Variants in GYS2 observed in about 807,000 individuals in gnomAD.
GYS2 encodes the protein glycogen synthase 2.
GYS2 carries 80 observed loss-of-function variants against 85.6 expected under a neutral mutation model. That is an observed-to-expected ratio of 0.93 (90% CI 0.78 to 1.13). The LOEUF (loss-of-function observed/expected upper bound fraction) is 1.13, where lower values mean the gene tolerates loss of function less well. GYS2 is among the 50% of genes most tolerant of loss of function. GYS2 has a pLI of 0.00. For synonymous variants in GYS2, 328 were observed against 300.7 expected (o/e 1.09, Z -0.94); for missense variants, 881 against 854.9 (o/e 1.03, Z -0.38).
chr12:21,561,030 A>G (rs1591791209), intron 7 of GYS2, among the ~76,000 whole-genome samples: 1 of 152,152 alleles, frequency 6.6e-6, no homozygotes, highest in African/African-American at 2.4e-5. Context: ...CTTGATTCTC[A>G]TGATGTTGTA....
chr12:21,568,040 C>A (rs1944342736), intron 5 of GYS2, among the ~76,000 whole-genome samples: 1 of 151,850 alleles, frequency 6.6e-6, no homozygotes. Flanking sequence ...CCACTGCACT[C>A]CAGCCTGGGC....
At chr12:21,543,913 C>T (rs1233305211) in intron 12 of GYS2, among the ~76,000 whole-genome samples, 2 of 152,102 alleles carry the variant, frequency 1.3e-5, no homozygotes, top group South Asian at 2.1e-4. Context: ...CATATGTATA[C>T]AAAATTTTGT....
intron 1 of GYS2, among the ~76,000 whole-genome samples, chr12:21,592,302 C>T (rs1591810657): frequency 6.6e-6 from 1 of 151,174 alleles, no homozygotes; most frequent in East Asian, 1.9e-4. Context: ...TCAATAATAG[C>T]CTTGCATGTA....
At chr12:21,569,489 C>T (rs1172093130) in intron 4 of GYS2, among the ~76,000 whole-genome samples, 2 of 152,118 alleles carry the variant, frequency 1.3e-5, no homozygotes, top group Non-Finnish European at 2.9e-5. Flanking sequence ...AAACGCTTTT[C>T]CTTGGTTATA....
At position 21,580,680 on chromosome 12, in the gene GYS2, G is replaced by C. The variant is rs531508591; in HGVS notation, c.122-157C>G. On this transcript the variant is annotated intron_variant, in intron 1 of 15. Coordinates refer to ENST00000261195, the MANE Select transcript of GYS2 (RefSeq NM_021957.4). ...CAAAAATAATAGTATTTGACATATT[G>C]TTAAGGGACACCAACGAATGGTTAC... Among the ~76,000 whole-genome samples the C allele has an allele frequency of 6.6e-5, 10 of 152,306 alleles. No individual in the cohort carries two copies. The South Asian group carries it at 1.2e-3, about 19-fold the overall frequency.
At chr12:21,551,013 A>AACAT (rs1555154968) in intron 11 of GYS2, among the ~76,000 whole-genome samples, 26 of 151,448 alleles carry the variant, frequency 1.7e-4, no homozygotes, top group Non-Finnish European at 3.4e-4. Context: ...TTTTTTTTTA[A>AACAT]TTTTTTTTTA....
At chr12:21,551,023 ATTATAC>A (rs1944103834) in intron 11 of GYS2, among the ~76,000 whole-genome samples, 2 of 127,126 alleles carry the variant, frequency 1.6e-5, no homozygotes, top group Non-Finnish European at 3.5e-5. Flanking sequence ...ATTTTTTTTT[ATTATAC>A]TTTAAGTTTT....
At chr12:21,573,492 G>T (rs1944409008) in intron 4 of GYS2, among the ~76,000 whole-genome samples, 2 of 152,038 alleles carry the variant, frequency 1.3e-5, no homozygotes, top group African/African-American at 4.8e-5. Flanking sequence ...AAAAATAGAA[G>T]AAATAAATCA....
intron 14 of GYS2, among the ~76,000 whole-genome samples, chr12:21,540,148 A>C (rs1383910008): frequency 1.3e-5 from 2 of 152,226 alleles, no homozygotes; most frequent in Admixed American, 6.5e-5. Flanking sequence ...TAACACATCA[A>C]GTGAGGCACT....
chr12:21,537,689 C>A (rs1417598725), intron 15 of GYS2, among the ~76,000 whole-genome samples: 1 of 152,184 alleles, frequency 6.6e-6, no homozygotes, highest in East Asian at 1.9e-4. Context: ...TAGAAGGCAT[C>A]CTGGAAGTCA....
intron 13 of GYS2, among the ~76,000 whole-genome samples, chr12:21,541,110 A>G (rs1943967879): frequency 6.6e-6 from 1 of 151,704 alleles, no homozygotes; most frequent in African/African-American, 2.4e-5. Context: ...CCATCTCTAC[A>G]TACAAAATTT....
At chr12:21,593,002 T>C (rs2900489) in intron 1 of GYS2, among the ~76,000 whole-genome samples, 86,629 of 151,632 alleles carry the variant, frequency 0.57, 25,988 homozygotes, top group East Asian at 0.83. Context: ...TACAAATACA[T>C]GGAAATTAAA....
At chr12:21,536,059 T>G (rs369492636), downstream of GYS2, 1 of 152,190 alleles carries the variant, frequency 6.6e-6, no homozygotes, top group African/African-American at 2.4e-5. Flanking sequence ...TTCCCACATG[T>G]TATTCGAATG....
chr12:21,558,209 A>G lies in GYS2; in HGVS notation c.1413T>C (p.Asp471=). The stretch of plus-strand genomic sequence containing the variant: ...GAACAATTTGTTCTACCTTGACTCT[A>G]TCTGTGCGGTTGTTGAAAAGTCCAA... ...RRIGLFNNRT[D]RVKVILHPEF... is the part of the protein sequence containing the mutation. Residue 471 remains aspartate (D), a synonymous_variant, in exon 11 of 16, where the codon GAT becomes GAC. Transcript: ENST00000261195. The G allele has an allele frequency of 1.3e-6, 2 of 1,592,246 alleles. No homozygotes were observed. The highest frequency in any genetic ancestry group is 2.2e-5 in the East Asian group (1 of 44,754).
At chr12:21,557,363 T>C (rs1199097080) in intron 11 of GYS2, among the ~76,000 whole-genome samples, 4 of 152,146 alleles carry the variant, frequency 2.6e-5, no homozygotes, top group Non-Finnish European at 5.9e-5. Context: ...CCAGCTCTTA[T>C]TCATATAAAT....
chr12:21,585,541 G>C (rs140080902), intron 1 of GYS2, among the ~76,000 whole-genome samples: 1 of 143,538 alleles, frequency 7.0e-6, no homozygotes, highest in African/African-American at 2.6e-5. Context: ...ACAAATAAAG[G>C]TTTGGGTCAC....
At chr12:21,575,820 G>A in intron 3 of GYS2, 46 bp downstream of exon 3, 1 of 1,408,146 alleles carries the variant, frequency 7.1e-7, no homozygotes, top group East Asian at 2.3e-5. Context: ...GGCACTGAAA[G>A]CAGTTGTGCT....
At chr12:21,573,685 T>C (rs925453636) in intron 4 of GYS2, among the ~76,000 whole-genome samples, 3 of 152,194 alleles carry the variant, frequency 2.0e-5, no homozygotes, top group Non-Finnish European at 4.4e-5. Flanking sequence ...ACCTATAATG[T>C]GGCTTTTAAT....
intron 11 of GYS2, among the ~76,000 whole-genome samples, chr12:21,547,391 G>A (rs758372132): frequency 2.0e-5 from 3 of 152,128 alleles, no homozygotes; most frequent in Admixed American, 1.3e-4. Flanking sequence ...GTAGGTGAAT[G>A]AATACATAAA....
Sources: gnomAD v4.1 joint callset for allele counts (sites outside exome capture counted in the v4.1 genomes callset) on GRCh38, gnomAD v4.1.1 for gene constraint, MANE v1.5 for transcripts, NCBI Gene and HGNC (gene_info 2026-07-23, HGNC 2026-07-21) for gene names.